RNF150: variants seen among roughly 807,000 people sequenced by gnomAD.
The protein encoded by RNF150 is ring finger protein 150.
RNF150 carries 24 observed loss-of-function variants against 39.3 expected under a neutral mutation model. The ratio of observed to expected loss-of-function variants is 0.61; its 90% CI spans 0.44 to 0.86. The LOEUF (loss-of-function observed/expected upper bound fraction) is 0.86, where lower values mean the gene tolerates loss of function less well. RNF150 is among the 40% of genes least tolerant of loss of function. The probability of loss-of-function intolerance (pLI) is 0.00; values close to 1 mark genes in which losing one functional copy is unlikely to be tolerated. For missense variants in RNF150, 502 were observed against 587.8 expected (o/e 0.85, Z 1.51); for synonymous variants, 255 against 227.3 (o/e 1.12, Z -1.10).
At chr4:141,135,676 A>T (rs1330087128), upstream of RNF150, among the ~76,000 whole-genome samples, 1 of 152,236 alleles carries the variant, frequency 6.6e-6, no homozygotes, top group Non-Finnish European at 1.5e-5. Context: ...ACCATTTGAC[A>T]AGAGTGTTGT....
At chr4:141,120,112 GAAGAC>G (rs750184284) in intron 1 of RNF150, among the ~76,000 whole-genome samples, 17 of 152,156 alleles carry the variant, frequency 1.1e-4, no homozygotes, top group Non-Finnish European at 2.5e-4. Flanking sequence ...CAGCCGTTAA[GAAGAC>G]AAGAACCAAG....
intron 1 of RNF150, among the ~76,000 whole-genome samples, chr4:141,075,169 T>C (rs1737848252): frequency 1.3e-5 from 2 of 152,254 alleles, no homozygotes; most frequent in African/African-American, 4.8e-5. Flanking sequence ...AGTGTTTTTT[T>C]AAGAATCAGA....
intron 1 of RNF150, among the ~76,000 whole-genome samples, chr4:141,040,375 C>T (rs1372601494): frequency 6.6e-6 from 1 of 152,020 alleles, no homozygotes; most frequent in Non-Finnish European, 1.5e-5. Flanking sequence ...AATGAAAAGG[C>T]AAAAGGTGTA....
At chr4:141,102,888 T>A (rs1329836204) in intron 1 of RNF150, among the ~76,000 whole-genome samples, 2 of 152,208 alleles carry the variant, frequency 1.3e-5, no homozygotes, top group Non-Finnish European at 2.9e-5. Flanking sequence ...GGGTCTTCAC[T>A]AGGTATTACT....
intron 1 of RNF150, among the ~76,000 whole-genome samples, chr4:141,038,605 T>A (rs1010596366): frequency 1.3e-5 from 2 of 151,782 alleles, no homozygotes; most frequent in Non-Finnish European, 2.9e-5. Context: ...GTGGGAGGAT[T>A]GGTTGAGTAT....
chr4:141,138,289 AATTG>A (rs1578762259), upstream of RNF150, among the ~76,000 whole-genome samples: 1 of 152,236 alleles, frequency 6.6e-6, no homozygotes. Flanking sequence ...ATTTTACATT[AATTG>A]ATTGGTGGAT....
intron 1 of RNF150, among the ~76,000 whole-genome samples, chr4:141,072,682 T>C (rs1345781248): frequency 2.0e-5 from 3 of 152,176 alleles, no homozygotes; most frequent in Non-Finnish European, 2.9e-5. Context: ...AATTATAACA[T>C]AGACAGGTAG....
At chr4:141,210,812 A>AT (rs1560779570) in intron 1 of RNF150, among the ~76,000 whole-genome samples, 1 of 151,632 alleles carries the variant, frequency 6.6e-6, no homozygotes, top group Non-Finnish European at 1.5e-5. Context: ...GCTAAAAAAA[A>AT]CCTCCATTTG....
chr4:140,911,903 A>G (rs544423662), intron 5 of RNF150, among the ~76,000 whole-genome samples: 2 of 146,840 alleles, frequency 1.4e-5, no homozygotes, highest in East Asian at 2.2e-4. Flanking sequence ...TAAGAAAAAC[A>G]TAAGCCTAAA....
chr4:141,012,811 C>G (rs976620092), intron 1 of RNF150, among the ~76,000 whole-genome samples: 1 of 108,886 alleles, frequency 9.2e-6, no homozygotes, highest in Non-Finnish European at 2.0e-5. Flanking sequence ...AAGGCATCCC[C>G]TACTGAATCT....
At chr4:140,978,253 A>T (rs565344225) in intron 1 of RNF150, among the ~76,000 whole-genome samples, 96 of 152,290 alleles carry the variant, frequency 6.3e-4, no homozygotes, top group African/African-American at 1.9e-3. Context: ...AAATATGTCA[A>T]ATGCTGATGT....
At chr4:140,971,114 G>T (rs183575647) in intron 1 of RNF150, among the ~76,000 whole-genome samples, 22 of 152,188 alleles carry the variant, frequency 1.4e-4, no homozygotes, top group African/African-American at 5.1e-4. Context: ...GATCTATATT[G>T]TTCAACTGAG....
chr4:140,993,296 G>A (rs1734258794), intron 1 of RNF150, among the ~76,000 whole-genome samples: 1 of 152,008 alleles, frequency 6.6e-6, no homozygotes, highest in Non-Finnish European at 1.5e-5. Flanking sequence ...CACCTCATTC[G>A]GACTCTGCTT....
In RNF150 at chr4:140,879,526, G is replaced by A. The variant is rs114848963; in HGVS notation, c.1199-11147C>T. Among the ~76,000 whole-genome samples, 153 of 152,076 alleles carry A rather than the reference G, an allele frequency of 1.0e-3. 1 individual carries two copies. The highest frequency in any genetic ancestry group is 3.7e-3 in the African/African-American group (152 of 41,488). On this transcript the variant is annotated intron_variant, in intron 6 of 6. Transcript: ENST00000515673. ...TGTTTTCTTAATTTCCTTTCATATT[G>A]TTACTGTTCAGAAATTCAACTAATC...
chr4:140,995,319 G>A (rs751810133), intron 1 of RNF150, among the ~76,000 whole-genome samples: 3 of 152,180 alleles, frequency 2.0e-5, no homozygotes, highest in South Asian at 2.1e-4. Context: ...GCAGAGGTAC[G>A]GCTCAGAGCA....
intron 2 of RNF150, among the ~76,000 whole-genome samples, chr4:140,954,217 C>A (rs116282423): frequency 0.013 from 1,987 of 152,084 alleles, 17 homozygotes; most frequent in South Asian, 0.031. Flanking sequence ...GCTTCTTCTT[C>A]TTATTATTAT....
chr4:140,887,433 C>T (rs1485312478), intron 6 of RNF150, among the ~76,000 whole-genome samples: 2 of 152,194 alleles, frequency 1.3e-5, no homozygotes, highest in South Asian at 4.1e-4. Context: ...ATGTTTTATT[C>T]TTTCCCCACT....
At chr4:140,997,843 A>G (rs1560676843) in intron 1 of RNF150, among the ~76,000 whole-genome samples, 1 of 151,670 alleles carries the variant, frequency 6.6e-6, no homozygotes, top group Non-Finnish European at 1.5e-5. Flanking sequence ...AAGAGTCCAT[A>G]CAGAGTGCTT....
At chr4:141,189,363 G>C (rs559154645) in intron 1 of RNF150, among the ~76,000 whole-genome samples, 1 of 152,192 alleles carries the variant, frequency 6.6e-6, no homozygotes, top group African/African-American at 2.4e-5. Flanking sequence ...TCCCAGTCAG[G>C]TGGCACAGGG....
Sources: gnomAD v4.1 joint callset for allele counts (sites outside exome capture counted in the v4.1 genomes callset) on GRCh38, gnomAD v4.1.1 for gene constraint, MANE v1.5 for transcripts, NCBI Gene and HGNC (gene_info 2026-07-23, HGNC 2026-07-21) for gene names.